Variants in SH3GL2 observed in about 807,000 individuals in gnomAD.
The protein encoded by SH3GL2 is endophilin-A1.
Under a neutral mutation model 46.0 loss-of-function variants are expected in SH3GL2, and 24 were observed. That is an observed-to-expected ratio of 0.52 (90% CI 0.38 to 0.73). The LOEUF is 0.73. Among genes scored for constraint, SH3GL2 ranks in the 30% least tolerant of loss-of-function variants. The probability of loss-of-function intolerance (pLI) is 0.00; values close to 1 mark genes in which losing one functional copy is unlikely to be tolerated. For synonymous variants in SH3GL2, 196 were observed against 147.1 expected, an observed-to-expected ratio of 1.33 and a Z score of -2.40; for missense variants, 413 against 424.2, an observed-to-expected ratio of 0.97 and a Z score of 0.23.
intron 2 of SH3GL2, among the ~76,000 whole-genome samples, chr9:17,760,257 G>GT (rs1823130827): frequency 6.6e-6 from 1 of 152,028 alleles, no homozygotes; most frequent in South Asian, 2.1e-4. Context: ...GAAAAAATTT[G>GT]TTTTCCTCTG....
chr9:17,593,576 T>G (rs964840333), intron 1 of SH3GL2, among the ~76,000 whole-genome samples: 1 of 152,204 alleles, frequency 6.6e-6, no homozygotes, highest in Non-Finnish European at 1.5e-5. Context: ...ACCAACTGTC[T>G]TGTTCAAAAC....
chr9:17,679,890 G>A (rs1820722984), intron 1 of SH3GL2, among the ~76,000 whole-genome samples: 1 of 152,170 alleles, frequency 6.6e-6, no homozygotes. Context: ...AGATAATCAT[G>A]TGGTTTTTGT....
chr9:17,751,779 C>T lies in SH3GL2; in HGVS notation c.114+4645C>T, dbSNP rs1201102795. ...TGGAATGCTCTGAGCAACACGTATC[C>T]CTGAGTGCACCCATAATGTCTCCTT... On this transcript the variant is annotated intron_variant, in intron 2 of 8. Transcript: ENST00000380607. 2.0e-5 allele frequency among the ~76,000 whole-genome samples: 3 copies of T among 152,034 alleles called. 1 individual carries two copies. Among genetic ancestry groups the T allele is most frequent in the South Asian group, 4.2e-4 (2 of 4,810 alleles).
intron 1 of SH3GL2, among the ~76,000 whole-genome samples, chr9:17,625,158 G>A (rs985746321): frequency 2.0e-5 from 3 of 151,984 alleles, no homozygotes; most frequent in Non-Finnish European, 4.4e-5. Context: ...TTGTGTTCTC[G>A]TCTCACCATG....
At chr9:17,635,957 A>G (rs1168156616) in intron 1 of SH3GL2, among the ~76,000 whole-genome samples, 1 of 152,206 alleles carries the variant, frequency 6.6e-6, no homozygotes, top group African/African-American at 2.4e-5. Flanking sequence ...TCCTAAATGC[A>G]GTGTCCAAAC....
intron 3 of SH3GL2, among the ~76,000 whole-genome samples, chr9:17,762,639 G>A (rs560872481): frequency 6.6e-6 from 1 of 152,198 alleles, no homozygotes; most frequent in African/African-American, 2.4e-5. Flanking sequence ...TTATGTGAGG[G>A]AGGAAAATAT....
At chr9:17,687,232 A>G (rs10963210) in intron 1 of SH3GL2, among the ~76,000 whole-genome samples, 57,761 of 151,988 alleles carry the variant, frequency 0.38, 12,009 homozygotes, top group South Asian at 0.58. Flanking sequence ...TTTCAATCCA[A>G]TTTCACTTAA....
At chr9:17,670,196 C>G (rs940602986) in intron 1 of SH3GL2, among the ~76,000 whole-genome samples, 2 of 152,150 alleles carry the variant, frequency 1.3e-5, no homozygotes, top group African/African-American at 4.8e-5. Context: ...GGTGGACATG[C>G]CTGGCCCCAG....
chr9:17,739,413 G>T (rs1208950823), intron 1 of SH3GL2, among the ~76,000 whole-genome samples: 1 of 151,872 alleles, frequency 6.6e-6, no homozygotes, highest in Non-Finnish European at 1.5e-5. Flanking sequence ...CTTAGAGTCT[G>T]TTATTAGCAG....
chr9:17,655,449 C>T (rs1025079221), intron 1 of SH3GL2, among the ~76,000 whole-genome samples: 1 of 152,112 alleles, frequency 6.6e-6, no homozygotes, highest in African/African-American at 2.4e-5. Flanking sequence ...TAATAAAACA[C>T]ACAACATGAC....
Position 17,656,770 on chromosome 9 carries a change from C to CAAAAA in SH3GL2, c.45+77496_45+77500dup, listed in dbSNP as rs36079244. Among the ~76,000 whole-genome samples the CAAAAA allele has an allele frequency of 7.1e-4, 72 of 101,514 alleles. 3 individuals carry two copies. The highest frequency in any genetic ancestry group is 1.7e-3 in the African/African-American group (48 of 27,690). The allele number at this position is 101,514 out of a possible 152,430, so 66.6% of individuals were successfully genotyped here. On this transcript the variant is annotated intron_variant, in intron 1 of 8. Coordinates refer to ENST00000380607, the MANE Select transcript of SH3GL2 (RefSeq NM_003026.5). ...TGGGCGACAGAGTGAGACTACATCT[C>CAAAAA]AAAAAAAAAAAAAAAAACAAAAAAG...
intron 1 of SH3GL2, among the ~76,000 whole-genome samples, chr9:17,582,004 G>T (rs926194978): frequency 6.6e-6 from 1 of 152,202 alleles, no homozygotes; most frequent in African/African-American, 2.4e-5. Flanking sequence ...ATAAGTGGAA[G>T]GAGTCTGTTC....
At chr9:17,734,772 T>C (rs796077542) in intron 1 of SH3GL2, among the ~76,000 whole-genome samples, 3 of 152,038 alleles carry the variant, frequency 2.0e-5, no homozygotes, top group South Asian at 4.1e-4. Flanking sequence ...GACAGAAGTA[T>C]ATGTGTGGTT....
At chr9:17,718,036 C>T (rs1411964210) in intron 1 of SH3GL2, among the ~76,000 whole-genome samples, 1 of 152,120 alleles carries the variant, frequency 6.6e-6, no homozygotes, top group African/African-American at 2.4e-5. Context: ...TAAAAGACAA[C>T]TTGTACCCAG....
intron 1 of SH3GL2, among the ~76,000 whole-genome samples, chr9:17,710,398 A>G (rs574926894): frequency 6.6e-6 from 1 of 152,054 alleles, no homozygotes; most frequent in East Asian, 1.9e-4. Context: ...TACAGGGACC[A>G]TTAAGGAATT....
intron 1 of SH3GL2, among the ~76,000 whole-genome samples, chr9:17,640,942 A>G (rs560325740): frequency 6.6e-6 from 1 of 152,340 alleles, no homozygotes; most frequent in South Asian, 2.1e-4. Flanking sequence ...ATGTAAATAT[A>G]GGAAAGCTTC....
intron 6 of SH3GL2, chr9:17,789,874 G>A: frequency 1.7e-6 from 1 of 603,058 alleles, no homozygotes. Flanking sequence ...AAAACAGAAT[G>A]GTTGTAAGGG....
intron 2 of SH3GL2, chr9:17,755,834 G>A: frequency 4.3e-6 from 4 of 938,760 alleles, no homozygotes; most frequent in Non-Finnish European, 5.1e-6. Context: ...GGGAAGAAAG[G>A]TAATATTCCC....
rs776842668 is a variant in SH3GL2 at position 17,791,286 on chromosome 9, A to G, written c.680A>G (p.Lys227Arg). ...ALVQAQLEYH[K>R]QAVQILQQVT... is the part of the protein sequence containing the mutation. ...GTGCAAGCTCAGCTGGAGTACCACA[A>G]GCAGGCAGTCCAGATCCTGCAGCAA... Residue 227 changes from lysine (K) to arginine (R), a missense_variant, in exon 7 of 9, where the codon AAG becomes AGG. This residue lies in a region of SH3GL2 where 248 missense variants were observed against 215.0 expected (regional missense o/e 1.15). Transcript: ENST00000380607. 2.5e-6 allele frequency: 4 copies of G among 1,613,782 alleles called. No individual in the cohort carries two copies. Among genetic ancestry groups the G allele is most frequent in the African/African-American group, 1.3e-5 (1 of 75,044 alleles).
Sources: allele counts gnomAD v4.1 joint callset (sites outside exome capture counted in the v4.1 genomes callset), GRCh38; gene constraint gnomAD v4.1.1; regional missense constraint gnomAD v4.1.1; transcripts MANE v1.5; gene names NCBI Gene and HGNC (gene_info 2026-07-23, HGNC 2026-07-21).